Variants in APLF observed in about 807,000 individuals in gnomAD.
APLF encodes aprataxin and PNKP like factor.
Under a neutral mutation model 55.6 loss-of-function variants are expected in APLF, and 61 were observed. The observed-to-expected ratio is 1.10, with a 90% confidence interval of 0.89 to 1.36. The LOEUF is 1.36. Among genes scored for constraint, APLF ranks in the 40% most tolerant of loss-of-function variants. APLF has a pLI of 0.00. For missense variants in APLF, 611 were observed against 602.5 expected (o/e 1.01, Z -0.15); for synonymous variants, 207 against 214.8 (o/e 0.96, Z 0.32).
At chr2:68,486,100 T>G (rs1159224772) in intron 1 of APLF, among the ~76,000 whole-genome samples, 1 of 151,898 alleles carries the variant, frequency 6.6e-6, no homozygotes, top group Non-Finnish European at 1.5e-5. Context: ...TCAATCAGAG[T>G]TTTTTTGCAC....
intron 8 of APLF, among the ~76,000 whole-genome samples, chr2:68,560,293 G>A (rs1283596265): frequency 6.6e-6 from 1 of 152,080 alleles, no homozygotes; most frequent in African/African-American, 2.4e-5. Flanking sequence ...CTGGAACCTA[G>A]AACAGTGCTT....
chr2:68,494,236 C>G (rs1467920189), intron 2 of APLF, among the ~76,000 whole-genome samples: 1 of 139,932 alleles, frequency 7.1e-6, no homozygotes, highest in Non-Finnish European at 1.5e-5. Flanking sequence ...TGAGATCGCA[C>G]CACTGTAATC....
At chr2:68,556,559 G>C (rs1408627685) in intron 8 of APLF, among the ~76,000 whole-genome samples, 1 of 152,086 alleles carries the variant, frequency 6.6e-6, no homozygotes, top group African/African-American at 2.4e-5. Flanking sequence ...TGAATAATAG[G>C]ATTTTATGCA....
intron 5 of APLF, among the ~76,000 whole-genome samples, chr2:68,516,062 G>A (rs1375679992): frequency 6.6e-6 from 1 of 151,564 alleles, no homozygotes; most frequent in Non-Finnish European, 1.5e-5. Flanking sequence ...TGTGGTTATT[G>A]GTCTTTATGT....
chr2:68,493,126 T>A (rs927300248), intron 2 of APLF, among the ~76,000 whole-genome samples: 1 of 152,182 alleles, frequency 6.6e-6, no homozygotes, highest in Non-Finnish European at 1.5e-5. Flanking sequence ...TTTAAAAAAA[T>A]TTCTTCAAGT....
In APLF at chr2:68,511,960, C is replaced by T. The variant is rs145981501; in HGVS notation, c.342-1120C>T. 3.0e-3 allele frequency among the ~76,000 whole-genome samples: 456 copies of T among 151,698 alleles called. 1 individual carries two copies. The highest frequency in any genetic ancestry group is 0.01 in the African/African-American group (421 of 41,482). On this transcript the variant is annotated intron_variant, in intron 3 of 9. Coordinates refer to ENST00000303795, the MANE Select transcript of APLF (RefSeq NM_173545.3). ...ATTCCCTGTATAAGAAATACTAAAA[C>T]GAACAAATAAAACAAGCGGTTAATT...
chr2:68,467,817 C>G lies in APLF; in HGVS notation c.86C>G (p.Pro29Arg). Residue 29 changes from proline to arginine, a missense_variant, in exon 1 of 10, where the codon CCG becomes CGG. Pro to Arg is a moderately radical substitution (Grantham distance 103, BLOSUM62 -2). Coordinates refer to ENST00000303795, the MANE Select transcript of APLF (RefSeq NM_173545.3). ...GGGGAGACGGTGATCGGCCGCGGGC[C>G]GCTGCTGGGAGTAAGTGTGGGCGGG... is the stretch of plus-strand genomic sequence containing the variant. ...APGETVIGRG[P>R]LLGITDKRVS... 3 of 1,233,166 alleles carry G rather than the reference C, an allele frequency of 2.4e-6. No individual in the cohort carries two copies. Among genetic ancestry groups the G allele is most frequent in the South Asian group, 4.1e-5 (1 of 24,372 alleles). The allele number at this position is 1,233,166 out of a possible 1,614,324, so 76.4% of individuals were successfully genotyped here. A position where few individuals can be genotyped will look rare whatever the true frequency, so the allele number is the denominator to read the frequency against.
intron 5 of APLF, among the ~76,000 whole-genome samples, chr2:68,518,452 T>C (rs1392466126): frequency 8.9e-6 from 1 of 112,338 alleles, no homozygotes; most frequent in Non-Finnish European, 1.6e-5. Context: ...AATAATATAT[T>C]ATATATTATA....
chr2:68,495,344 T>A (rs750365879), intron 2 of APLF, among the ~76,000 whole-genome samples: 4 of 152,226 alleles, frequency 2.6e-5, no homozygotes, highest in Non-Finnish European at 5.9e-5. Flanking sequence ...TAGACATCCC[T>A]GTTTCAAAAC....
intron 1 of APLF, among the ~76,000 whole-genome samples, chr2:68,477,738 G>A (rs1025247492): frequency 1.3e-5 from 2 of 152,164 alleles, no homozygotes; most frequent in African/African-American, 4.8e-5. Flanking sequence ...CATGGCTGGG[G>A]AGGCCTCATA....
intron 1 of APLF, among the ~76,000 whole-genome samples, chr2:68,470,131 C>A (rs981176431): frequency 5.3e-5 from 8 of 152,152 alleles, no homozygotes; most frequent in African/African-American, 1.9e-4. Context: ...TGATTCTGCT[C>A]CATGATTGGC....
At chr2:68,478,077 A>G (rs907124426) in intron 1 of APLF, among the ~76,000 whole-genome samples, 1 of 152,042 alleles carries the variant, frequency 6.6e-6, no homozygotes, top group South Asian at 2.1e-4. Context: ...GTAAACCTTG[A>G]TTAACACACC....
intron 5 of APLF, among the ~76,000 whole-genome samples, chr2:68,515,349 T>C (rs942276771): frequency 1.6e-4 from 24 of 151,428 alleles, no homozygotes; most frequent in African/African-American, 5.3e-4. Context: ...CCTCAATTTG[T>C]AGGAAGGAAA....
rs74497417 is a variant in APLF at position 68,473,159 on chromosome 2, T to C, written c.96+5332T>C. Among the ~76,000 whole-genome samples, 985 of 152,290 alleles carry C rather than the reference T, an allele frequency of 6.5e-3. 7 individuals carry two copies. The highest frequency in any genetic ancestry group is 0.023 in the African/African-American group (938 of 41,562). On this transcript the variant is annotated intron_variant, in intron 1 of 9. Coordinates refer to ENST00000303795, the MANE Select transcript of APLF (RefSeq NM_173545.3). The stretch of plus-strand genomic sequence containing the variant: ...GTTGTTCCACTGCCCTAAAATTTTC[T>C]GTGCTCTGCCTATTCATCCCCCAGA...
intron 7 of APLF, among the ~76,000 whole-genome samples, chr2:68,542,492 C>T (rs1670583596): frequency 1.3e-5 from 2 of 150,040 alleles, no homozygotes; most frequent in Non-Finnish European, 2.9e-5. Flanking sequence ...GGGGACAGAA[C>T]TTAAATAGAT....
intron 1 of APLF, among the ~76,000 whole-genome samples, chr2:68,484,440 G>A (rs1383720305): frequency 6.6e-6 from 1 of 152,102 alleles, no homozygotes; most frequent in East Asian, 1.9e-4. Flanking sequence ...TGTAAGCCCA[G>A]CACTTTGGGA....
intron 3 of APLF, among the ~76,000 whole-genome samples, chr2:68,506,702 C>T (rs1033263072): frequency 1.3e-5 from 2 of 152,068 alleles, no homozygotes; most frequent in South Asian, 2.1e-4. Flanking sequence ...AGAGTTGATG[C>T]TCTTACTAAC....
At chr2:68,543,021 T>C (rs1478089756) in intron 7 of APLF, among the ~76,000 whole-genome samples, 1 of 152,200 alleles carries the variant, frequency 6.6e-6, no homozygotes, top group Non-Finnish European at 1.5e-5. Flanking sequence ...GAGGACATTA[T>C]GCTAAGTGAA....
intron 6 of APLF, among the ~76,000 whole-genome samples, chr2:68,535,636 A>G (rs1457194998): frequency 4.7e-5 from 7 of 147,542 alleles, no homozygotes; most frequent in Non-Finnish European, 1.0e-4. Context: ...TAAGATATTG[A>G]GTGGGATTGT....
Sources: gnomAD v4.1 joint callset for allele counts (sites outside exome capture counted in the v4.1 genomes callset) on GRCh38, gnomAD v4.1.1 for gene constraint, MANE v1.5 for transcripts, NCBI Gene and HGNC (gene_info 2026-07-23, HGNC 2026-07-21) for gene names.